The following RERE variants were observed in gnomAD, a reference collection of about 807,000 sequenced individuals.
The protein encoded by RERE is arginine-glutamic acid dipeptide repeats protein.
Under a neutral mutation model 146.1 loss-of-function variants are expected in RERE, and 40 were observed. That is an observed-to-expected ratio of 0.27 (90% CI 0.21 to 0.36). The LOEUF is 0.36. Among genes scored for constraint, RERE ranks in the 10% least tolerant of loss-of-function variants. RERE has a pLI of 1.00. For synonymous variants in RERE, 1,003 were observed against 866.0 expected, an observed-to-expected ratio of 1.16 and a Z score of -2.78; for missense variants, 1,933 against 2,138.7, an observed-to-expected ratio of 0.90 and a Z score of 1.90.
At position 8,543,611 on chromosome 1, in the gene RERE, T is replaced by C. The variant is rs544754217; in HGVS notation, c.726-2293A>G. On this transcript the variant is annotated intron_variant, in intron 6 of 22. Coordinates refer to ENST00000400908, the MANE Select transcript of RERE (RefSeq NM_001042681.2). Reference sequence around the variant, plus strand: ...TGTTTAGGGCAGGGTTTATCAATCTTGGCACTAATGACAGTTTGTACTAAA... The same window carrying C: ...TGTTTAGGGCAGGGTTTATCAATCTCGGCACTAATGACAGTTTGTACTAAA... Among the ~76,000 whole-genome samples, 11 of 152,354 alleles carry C rather than the reference T, an allele frequency of 7.2e-5. No homozygotes were observed. In the South Asian group the frequency reaches 2.3e-3, roughly 32 times the overall value.
chr1:8,358,295 GGGGATCGCT>G lies in RERE; in HGVS notation c.4231_4239del (p.Ser1411_Pro1413del), dbSNP rs1176857975. 1 of 1,613,630 alleles carries G rather than the reference GGGGATCGCT, an allele frequency of 6.2e-7. No individual in the cohort carries two copies. Among genetic ancestry groups the G allele is most frequent in the Admixed American group, 1.7e-5 (1 of 60,016 alleles). ...ACGTTGAACATCTGCAGTCGGGCCA[GGGGATCGCT>G]GGTCAGCGATGCCATGCGCTCTGCG... On this transcript the variant is annotated inframe_deletion, in exon 20 of 23. Coordinates refer to ENST00000400908, the MANE Select transcript of RERE (RefSeq NM_001042681.2).
rs1269453609 is a variant in RERE, at chr1:8,378,119, G to T, written c.1285-12145C>A. On this transcript the variant is annotated intron_variant, in intron 12 of 22. Coordinates refer to ENST00000400908, the MANE Select transcript of RERE (RefSeq NM_001042681.2). ...AGAAAGGGTACTTAATTTTCTCACT[G>T]CATTACCTTTAATAAAAGGAGCGGA... Among the ~76,000 whole-genome samples the T allele has an allele frequency of 2.0e-5, 3 of 152,194 alleles. No individual in the cohort carries two copies. The East Asian group carries it at 5.8e-4, about 29-fold the overall frequency.
At chr1:8,816,304 A>C (rs1444431910) in intron 1 of RERE, among the ~76,000 whole-genome samples, 7 of 152,182 alleles carry the variant, frequency 4.6e-5, no homozygotes, top group Non-Finnish European at 7.3e-5. Context: ...CTACTTTCTA[A>C]ATGTACCTTA....
chr1:8,500,790 G>A (rs1157790900), intron 8 of RERE, among the ~76,000 whole-genome samples: 6 of 150,820 alleles, frequency 4.0e-5, no homozygotes, highest in Admixed American at 6.6e-5. Flanking sequence ...GCCGCCCATC[G>A]TCTGAGATGT....
intron 4 of RERE, among the ~76,000 whole-genome samples, chr1:8,566,751 T>C (rs898681111): frequency 1.3e-5 from 2 of 152,012 alleles, no homozygotes; most frequent in African/African-American, 4.8e-5. Context: ...ATCCAATATA[T>C]AGCAGACTTC....
chr1:8,650,899 A>T (rs1028512744), intron 2 of RERE, among the ~76,000 whole-genome samples: 2 of 150,588 alleles, frequency 1.3e-5, no homozygotes, highest in Non-Finnish European at 3.0e-5. Context: ...CCATCTCAAA[A>T]AAAAATAAAA....
At chr1:8,440,514 C>T (rs1423865980) in intron 11 of RERE, among the ~76,000 whole-genome samples, 1 of 150,258 alleles carries the variant, frequency 6.7e-6, no homozygotes, top group Non-Finnish European at 1.5e-5. Flanking sequence ...TCACTTGAAC[C>T]AGGGAGTCAG....
chr1:8,518,300 G>A (rs965773669), intron 7 of RERE, among the ~76,000 whole-genome samples: 2 of 152,204 alleles, frequency 1.3e-5, no homozygotes. Context: ...CAGTCGTGTA[G>A]CCTGTGGCCC....
intron 12 of RERE, among the ~76,000 whole-genome samples, chr1:8,369,032 C>T (rs1264071018): frequency 3.3e-5 from 5 of 152,050 alleles, no homozygotes; most frequent in African/African-American, 1.2e-4. Context: ...CCAATCTCTA[C>T]AAAAAAGTTT....
At chr1:8,438,835 T>A (rs1644206492) in intron 11 of RERE, among the ~76,000 whole-genome samples, 1 of 152,148 alleles carries the variant, frequency 6.6e-6, no homozygotes. Flanking sequence ...CTTATACATA[T>A]CTGGATAGAT....
chr1:8,486,835 A>G (rs1644907554), intron 10 of RERE, among the ~76,000 whole-genome samples: 1 of 151,900 alleles, frequency 6.6e-6, no homozygotes, highest in Admixed American at 6.6e-5. Context: ...TAAACTGTGA[A>G]TTCTGGCAAA....
intron 1 of RERE, among the ~76,000 whole-genome samples, chr1:8,784,096 A>T (rs1415732996): frequency 6.6e-6 from 1 of 152,198 alleles, no homozygotes; most frequent in Non-Finnish European, 1.5e-5. Context: ...CAGGAAACTG[A>T]CACACCACTC....
intron 1 of RERE, among the ~76,000 whole-genome samples, chr1:8,674,648 T>C (rs1638794286): frequency 6.6e-6 from 1 of 152,230 alleles, no homozygotes; most frequent in African/African-American, 2.4e-5. Flanking sequence ...ATAAGGTCTG[T>C]ATTCCAACTG....
chr1:8,578,587 A>T (rs1646325074), intron 4 of RERE, among the ~76,000 whole-genome samples: 1 of 152,116 alleles, frequency 6.6e-6, no homozygotes, highest in African/African-American at 2.4e-5. Context: ...CCAATTACTG[A>T]ATACACCAGC....
At chr1:8,520,790 A>C (rs963424936) in intron 7 of RERE, among the ~76,000 whole-genome samples, 4 of 148,052 alleles carry the variant, frequency 2.7e-5, no homozygotes, top group African/African-American at 9.9e-5. Flanking sequence ...CTATGACCGA[A>C]ACCCACTTAC....
intron 1 of RERE, among the ~76,000 whole-genome samples, chr1:8,714,369 T>G (rs1317883572): frequency 6.6e-6 from 1 of 152,246 alleles, no homozygotes; most frequent in African/African-American, 2.4e-5. Context: ...TTCTGTATTA[T>G]GCTCTGGCGT....
chr1:8,362,181 T>C (rs917777061), intron 16 of RERE, among the ~76,000 whole-genome samples: 2 of 152,240 alleles, frequency 1.3e-5, no homozygotes, highest in Admixed American at 6.5e-5. Context: ...TTCTTGTCAT[T>C]ATCTCCTGAA....
At chr1:8,794,921 T>C (rs1389325520) in intron 1 of RERE, among the ~76,000 whole-genome samples, 2 of 151,988 alleles carry the variant, frequency 1.3e-5, no homozygotes, top group African/African-American at 4.8e-5. Context: ...CAGGTGATCA[T>C]CCCATCTCAG....
chr1:8,521,060 G>A (rs982375837), intron 7 of RERE, among the ~76,000 whole-genome samples: 3 of 151,564 alleles, frequency 2.0e-5, no homozygotes, highest in African/African-American at 7.3e-5. Flanking sequence ...AACACAAACA[G>A]GCAATAACTA....
Sources: allele counts gnomAD v4.1 joint callset (sites outside exome capture counted in the v4.1 genomes callset), GRCh38; gene constraint gnomAD v4.1.1; transcripts MANE v1.5; gene names NCBI Gene and HGNC (gene_info 2026-07-23, HGNC 2026-07-21).